The following IGF1R variants were observed in gnomAD, a reference collection of about 807,000 sequenced individuals.
IGF1R encodes the protein insulin like growth factor 1 receptor.
Under a neutral mutation model 144.6 loss-of-function variants are expected in IGF1R, and 44 were observed. That is an observed-to-expected ratio of 0.30 (90% CI 0.24 to 0.39). The LOEUF is 0.39. Among genes scored for constraint, IGF1R ranks in the 10% least tolerant of loss-of-function variants. The probability of loss-of-function intolerance (pLI) is 1.00; values close to 1 mark genes in which losing one functional copy is unlikely to be tolerated. For synonymous variants in IGF1R, 795 were observed against 722.8 expected (o/e 1.10, Z -1.60); for missense variants, 1,355 against 1,833.7 (o/e 0.74, Z 4.77).
At chr15:98,878,358 C>G (rs559165959) in intron 2 of IGF1R, among the ~76,000 whole-genome samples, 35 of 152,312 alleles carry the variant, frequency 2.3e-4, no homozygotes, top group African/African-American at 7.9e-4. Flanking sequence ...CATGAACAAC[C>G]AGTCAAGTTA....
chr15:98,730,669 C>T (rs1276071290), intron 2 of IGF1R, among the ~76,000 whole-genome samples: 3 of 152,138 alleles, frequency 2.0e-5, no homozygotes, highest in South Asian at 2.1e-4. Context: ...AGTATATGTT[C>T]CCAATAGCAT....
intron 2 of IGF1R, among the ~76,000 whole-genome samples, chr15:98,777,873 A>T (rs1463414927): frequency 1.3e-5 from 2 of 152,200 alleles, no homozygotes; most frequent in Non-Finnish European, 2.9e-5. Context: ...AATGTAGACC[A>T]CTGCAGATCG....
chr15:98,694,512 C>G (rs1012882378), intron 1 of IGF1R, among the ~76,000 whole-genome samples: 2 of 151,828 alleles, frequency 1.3e-5, no homozygotes, highest in African/African-American at 2.4e-5. Flanking sequence ...ACCTCAGCCT[C>G]CAGCGCTCCT....
intron 2 of IGF1R, among the ~76,000 whole-genome samples, chr15:98,798,582 T>A (rs1328419190): frequency 6.6e-6 from 1 of 151,960 alleles, no homozygotes; most frequent in Non-Finnish European, 1.5e-5. Context: ...TAGACCAGGA[T>A]GGTGGAGATG....
At position 98,913,237 on chromosome 15, in the gene IGF1R, C is replaced by T. The variant is rs764375938; in HGVS notation, c.1783C>T (p.Arg595Cys). 1 of 1,614,150 alleles carries T rather than the reference C, an allele frequency of 6.2e-7. No homozygotes were observed. Among genetic ancestry groups the T allele is most frequent in the Non-Finnish European group, 8.5e-7 (1 of 1,180,012 alleles). The change falls in exon 8 of 21, where the codon CGT becomes TGT. Residue 595 changes from arginine (R) to cysteine (C), a missense_variant. By Grantham distance (180) the Arg-to-Cys change is radical. Coordinates refer to ENST00000650285, the MANE Select transcript of IGF1R (RefSeq NM_000875.5). Reference protein sequence around the residue: ...TLTMVENDHIRGAKSEILYIR... With the variant: ...TLTMVENDHICGAKSEILYIR... ...CACCATGGTGGAGAACGACCATATC[C>T]GTGGGGCCAAGAGTGAGATCTTGTA...
At chr15:98,869,254 G>T (rs1435458863) in intron 2 of IGF1R, among the ~76,000 whole-genome samples, 1 of 151,450 alleles carries the variant, frequency 6.6e-6, no homozygotes, top group Non-Finnish European at 1.5e-5. Context: ...TTTATATGTT[G>T]TCTAATTCCA....
At chr15:98,895,924 T>C (rs184413609) in intron 3 of IGF1R, among the ~76,000 whole-genome samples, 5 of 152,318 alleles carry the variant, frequency 3.3e-5, no homozygotes, top group Admixed American at 6.5e-5. Context: ...TGACCCTTGT[T>C]CTATATATAA....
At chr15:98,712,837 C>T (rs1172450675) in intron 2 of IGF1R, among the ~76,000 whole-genome samples, 4 of 149,748 alleles carry the variant, frequency 2.7e-5, no homozygotes, top group Admixed American at 6.7e-5. Context: ...CTCGAACTCC[C>T]GACCTCAGGC....
chr15:98,816,132 G>A (rs867429842), intron 2 of IGF1R, among the ~76,000 whole-genome samples: 2 of 151,930 alleles, frequency 1.3e-5, no homozygotes, highest in Admixed American at 6.6e-5. Context: ...CTCTTCTCTC[G>A]AACCTCAGAA....
chr15:98,749,822 A>G (rs536482070), intron 2 of IGF1R, among the ~76,000 whole-genome samples: 1 of 152,098 alleles, frequency 6.6e-6, no homozygotes, highest in Admixed American at 6.5e-5. Context: ...CTACTTAACC[A>G]TAACGTTCAT....
At position 98,935,969 on chromosome 15, in the gene IGF1R, C is replaced by T. The variant is rs2016129766; in HGVS notation, c.3297+543C>T. ...GCACTCTGTCAATAAATGTATGTTA[C>T]AGTTCAAGGTTAAGCTGCCTGGATT... On this transcript the variant is annotated intron_variant, in intron 17 of 20. Transcript: ENST00000650285. This position sits in a 1 kb window ranked among gnomAD's most constrained non-coding sequence, Gnocchi z 4.2. 6.6e-6 allele frequency among the ~76,000 whole-genome samples: 1 copy of T among 152,192 alleles called. No homozygotes were observed. Among genetic ancestry groups the T allele is most frequent in the Admixed American group, 6.5e-5 (1 of 15,284 alleles).
chr15:98,885,409 TCTC>T (rs1015687045), intron 2 of IGF1R, among the ~76,000 whole-genome samples: 5 of 152,148 alleles, frequency 3.3e-5, no homozygotes, highest in African/African-American at 1.2e-4. Context: ...TCCCTTTCCT[TCTC>T]CTCCCCGTGT....
rs1264640788 is a variant in IGF1R at position 98,952,330 on chromosome 15, A to ACACACACACACT, written c.3722+3623_3722+3624insACACACACACTC. Among the ~76,000 whole-genome samples, 487 of 151,310 alleles carry ACACACACACACT rather than the reference A, an allele frequency of 3.2e-3. 3 individuals are homozygous for ACACACACACACT. The highest frequency in any genetic ancestry group is 0.011 in the African/African-American group (457 of 41,226). On this transcript the variant is annotated intron_variant, in intron 20 of 20. Coordinates refer to ENST00000650285, the MANE Select transcript of IGF1R (RefSeq NM_000875.5). The stretch of plus-strand genomic sequence containing the variant: ...CACACACACACACACACACACACAC[A>ACACACACACACT]CTGCCCCTCACAGGTGACCATCTGC...
intron 20 of IGF1R, among the ~76,000 whole-genome samples, chr15:98,950,977 G>C (rs949862920): frequency 6.6e-6 from 1 of 152,220 alleles, no homozygotes; most frequent in Non-Finnish European, 1.5e-5. Flanking sequence ...CGGAGGGCAT[G>C]GGGTGGGGAA....
In IGF1R at chr15:98,895,301, G is replaced by A. The variant is rs192361097; in HGVS notation, c.954-1456G>A. On this transcript the variant is annotated intron_variant, in intron 3 of 20. Transcript: ENST00000650285. Reference sequence around the variant, plus strand: ...TTTCCAGGTTTGATACTTATATCATGTAAGATGTAGTAAACATTGGAGGAA... The same window carrying A: ...TTTCCAGGTTTGATACTTATATCATATAAGATGTAGTAAACATTGGAGGAA... Among the ~76,000 whole-genome samples, 599 of 151,934 alleles carry A rather than the reference G, an allele frequency of 3.9e-3. 5 individuals carry two copies. Among genetic ancestry groups the A allele is most frequent in the African/African-American group, 0.014 (578 of 41,364 alleles).
intron 2 of IGF1R, among the ~76,000 whole-genome samples, chr15:98,805,969 G>T (rs1185535243): frequency 6.6e-6 from 1 of 152,164 alleles, no homozygotes; most frequent in Non-Finnish European, 1.5e-5. Context: ...GTCTGCCCTT[G>T]CTGCAGATGC....
intron 2 of IGF1R, among the ~76,000 whole-genome samples, chr15:98,818,930 A>T (rs773055107): frequency 6.6e-6 from 1 of 152,190 alleles, no homozygotes; most frequent in Non-Finnish European, 1.5e-5. Context: ...AAGGGAATGG[A>T]GACTGGGAGA....
chr15:98,864,686 T>C lies in IGF1R; in HGVS notation c.641-26639T>C, dbSNP rs528115885. Among the ~76,000 whole-genome samples the C allele has an allele frequency of 1.2e-3, 184 of 152,364 alleles. 1 individual carries two copies. Among genetic ancestry groups the C allele is most frequent in the Non-Finnish European group, 2.2e-3 (151 of 68,028 alleles). On this transcript the variant is annotated intron_variant, in intron 2 of 20. Transcript: ENST00000650285. ...CAGGCGGGAGCCACAGCGCTCAGCC[T>C]AAAAATAACTCTTTAGCCAAAAGAA...
At chr15:98,758,282 C>G (rs1180584751) in intron 2 of IGF1R, among the ~76,000 whole-genome samples, 1 of 151,922 alleles carries the variant, frequency 6.6e-6, no homozygotes, top group Non-Finnish European at 1.5e-5. Flanking sequence ...CTCCTCTTCC[C>G]GTCTAGTTCT....
Sources: gnomAD v4.1 joint callset for allele counts (sites outside exome capture counted in the v4.1 genomes callset) on GRCh38, gnomAD v4.1.1 for gene constraint, Gnocchi (gnomAD v3.1) non-coding constraint, MANE v1.5 for transcripts, NCBI Gene and HGNC (gene_info 2026-07-23, HGNC 2026-07-21) for gene names.